Variants in BAZ2B observed in about 807,000 individuals in gnomAD.
BAZ2B encodes bromodomain adjacent to zinc finger domain protein 2B.
In BAZ2B, 91 loss-of-function variants were observed where a neutral mutation model predicts 246.0. The observed-to-expected ratio is 0.37, with a 90% CI of 0.31 to 0.44. The LOEUF is 0.44. Among genes scored for constraint, BAZ2B ranks in the 20% least tolerant of loss-of-function variants. The pLI is 1.00. For synonymous variants in BAZ2B, 855 were observed against 860.0 expected, an observed-to-expected ratio of 0.99 and a Z score of 0.10; for missense variants, 2,332 against 2,533.7, an observed-to-expected ratio of 0.92 and a Z score of 1.71.
intron 1 of BAZ2B, among the ~76,000 whole-genome samples, chr2:159,587,768 C>A (rs759564101): frequency 6.6e-6 from 1 of 152,204 alleles, no homozygotes; most frequent in Non-Finnish European, 1.5e-5. Flanking sequence ...TACTAGTCTG[C>A]GAACAGAAAG....
intron 3 of BAZ2B, among the ~76,000 whole-genome samples, chr2:159,472,918 T>C (rs968404787): frequency 5.3e-5 from 8 of 152,224 alleles, no homozygotes; most frequent in African/African-American, 1.9e-4. Context: ...TGCATCAATG[T>C]TCATTAGGGA....
intron 20 of BAZ2B, among the ~76,000 whole-genome samples, chr2:159,391,500 T>C (rs915561564): frequency 1.3e-5 from 2 of 152,158 alleles, no homozygotes; most frequent in Non-Finnish European, 2.9e-5. Flanking sequence ...TTGAGACTAC[T>C]AGTTACTAAA....
chr2:159,494,928 A>T (rs1192825662), intron 2 of BAZ2B, among the ~76,000 whole-genome samples: 1 of 152,176 alleles, frequency 6.6e-6, no homozygotes, highest in Admixed American at 6.5e-5. Flanking sequence ...GACCTAATCA[A>T]TGCTGAGTTA....
intron 1 of BAZ2B, among the ~76,000 whole-genome samples, chr2:159,604,320 C>A (rs1356455668): frequency 1.3e-5 from 2 of 151,832 alleles, no homozygotes; most frequent in East Asian, 3.9e-4. Context: ...GTTGCTCTGG[C>A]TGGTCTCACA....
the BAZ2B span, among the ~76,000 whole-genome samples, chr2:159,702,543 G>C: frequency 6.6e-6 from 1 of 151,954 alleles, no homozygotes. Flanking sequence ...CCTCTAATTT[G>C]TATTATTATC....
the BAZ2B span, among the ~76,000 whole-genome samples, chr2:159,700,633 G>T: frequency 2.6e-5 from 4 of 152,172 alleles, no homozygotes; most frequent in African/African-American, 9.7e-5. Flanking sequence ...TTTTTGTAGA[G>T]ACAGGGTTTC....
intron 1 of BAZ2B, among the ~76,000 whole-genome samples, chr2:159,605,787 C>T (rs1486574309): frequency 6.6e-6 from 1 of 152,268 alleles, no homozygotes; most frequent in African/African-American, 2.4e-5. Flanking sequence ...TTTAGCTTTT[C>T]TTCCCAGGCA....
At chr2:159,386,283 T>C (rs1026888477) in intron 22 of BAZ2B, 70 bp downstream of exon 22, 51 of 1,397,036 alleles carry the variant, frequency 3.7e-5, no homozygotes, top group Non-Finnish European at 4.3e-5. Context: ...CTTCTGCTAA[T>C]ATGCTAAAGC....
chr2:159,357,794 G>C (rs2059269026), intron 27 of BAZ2B, among the ~76,000 whole-genome samples: 1 of 152,198 alleles, frequency 6.6e-6, no homozygotes, highest in Admixed American at 6.5e-5. Flanking sequence ...AGCCAGAAGA[G>C]AGTTGGGGCC....
At chr2:159,543,111 G>A (rs915209370) in intron 2 of BAZ2B, among the ~76,000 whole-genome samples, 1 of 152,082 alleles carries the variant, frequency 6.6e-6, no homozygotes, top group African/African-American at 2.4e-5. Flanking sequence ...TCATGACAGG[G>A]TGCCTGGCAC....
chr2:159,608,660 C>T (rs556422880), intron 1 of BAZ2B, among the ~76,000 whole-genome samples: 1 of 152,226 alleles, frequency 6.6e-6, no homozygotes, highest in South Asian at 2.1e-4. Flanking sequence ...AAATAATTTA[C>T]AAAATGCCTG....
chr2:159,369,106 T>C (rs2060541122), intron 27 of BAZ2B, among the ~76,000 whole-genome samples: 1 of 152,186 alleles, frequency 6.6e-6, no homozygotes. Context: ...TATCTGCTTT[T>C]CTGGGAGTTC....
intron 2 of BAZ2B, among the ~76,000 whole-genome samples, chr2:159,518,418 C>G (rs2083671682): frequency 6.6e-6 from 1 of 152,140 alleles, no homozygotes; most frequent in Non-Finnish European, 1.5e-5. Context: ...TTAACTGGAC[C>G]TGGTAGTGCT....
At chr2:159,427,598 T>G (rs1385506071) in intron 13 of BAZ2B, among the ~76,000 whole-genome samples, 5 of 152,190 alleles carry the variant, frequency 3.3e-5, no homozygotes, top group African/African-American at 1.2e-4. Context: ...ATATTCAAAT[T>G]AGTTTTTAAA....
chr2:159,505,821 G>A (rs927857873), intron 2 of BAZ2B, among the ~76,000 whole-genome samples: 3 of 152,180 alleles, frequency 2.0e-5, no homozygotes, highest in African/African-American at 7.2e-5. Context: ...GCAGGTATGT[G>A]TATAAGGCAG....
At chr2:159,641,409 G>A in the BAZ2B span, among the ~76,000 whole-genome samples, 1 of 152,010 alleles carries the variant, frequency 6.6e-6, no homozygotes, top group Non-Finnish European at 1.5e-5. Context: ...CTTTTTAGTG[G>A]GTTTTCTTTT....
the BAZ2B span, among the ~76,000 whole-genome samples, chr2:159,700,571 G>A: frequency 1.3e-5 from 2 of 152,014 alleles, no homozygotes; most frequent in East Asian, 1.9e-4. Flanking sequence ...TCAGCCTCTC[G>A]AGTAGCTGGG....
intron 2 of BAZ2B, among the ~76,000 whole-genome samples, chr2:159,522,064 A>T (rs2084195107): frequency 6.6e-6 from 1 of 152,048 alleles, no homozygotes; most frequent in Non-Finnish European, 1.5e-5. Flanking sequence ...AGTTTTTAAA[A>T]TAATACTTTT....
At chr2:159,333,348 G>A (rs1183037579) in intron 33 of BAZ2B, among the ~76,000 whole-genome samples, 3 of 151,922 alleles carry the variant, frequency 2.0e-5, no homozygotes, top group Admixed American at 1.3e-4. Flanking sequence ...AAGTTAAGAG[G>A]TCATTATTTA....
Sources: gnomAD v4.1 joint callset for allele counts (sites outside exome capture counted in the v4.1 genomes callset) on GRCh38, gnomAD v4.1.1 for gene constraint, MANE v1.5 for transcripts, NCBI Gene and HGNC (gene_info 2026-07-23, HGNC 2026-07-21) for gene names.